Variants in ST6GALNAC5 observed in about 807,000 individuals in gnomAD.
The protein encoded by ST6GALNAC5 is alpha-N-acetylgalactosaminide alpha-2,6-sialyltransferase 5.
A neutral mutation model predicts 33.6 loss-of-function variants in ST6GALNAC5; 27 were observed. The observed-to-expected ratio is 0.80, with a 90% confidence interval of 0.59 to 1.11. The LOEUF is 1.11. ST6GALNAC5 is among the 50% of genes least tolerant of loss of function. The pLI is 0.00. For synonymous variants in ST6GALNAC5, 194 were observed against 171.2 expected, an observed-to-expected ratio of 1.13 and a Z score of -1.04; for missense variants, 428 against 454.0, an observed-to-expected ratio of 0.94 and a Z score of 0.52.
Position 76,868,834 on chromosome 1 carries a change from G to C in ST6GALNAC5, c.261+92G>C. On this transcript the variant is annotated intron_variant, in intron 2 of 4. Coordinates refer to ENST00000477717, the MANE Select transcript of ST6GALNAC5 (RefSeq NM_030965.3). The surrounding 1 kb of genome is among the most constrained non-coding windows in gnomAD (Gnocchi z 4.3). ...CTTTCCCGGGGCTGGGAGGCGCTGTGAGTAGGTGCCGTTCGAAGGCTGGAG... is the reference window on the plus strand; with the variant it reads ...CTTTCCCGGGGCTGGGAGGCGCTGTCAGTAGGTGCCGTTCGAAGGCTGGAG... The C allele has an allele frequency of 7.0e-7, 1 of 1,425,972 alleles. No homozygotes were observed. Among genetic ancestry groups the C allele is most frequent in the Non-Finnish European group, 9.1e-7 (1 of 1,095,964 alleles). 88.3% of individuals were successfully genotyped at this position (1,425,972 alleles called of 1,614,324 possible).
chr1:76,869,013 C>T, intron 2 of ST6GALNAC5: 1 of 409,494 alleles, frequency 2.4e-6, no homozygotes, highest in South Asian at 7.0e-5. Flanking sequence ...ACTAGAACTC[C>T]CTGATCCCCA....
At chr1:76,954,490 T>C (rs549110647) in intron 2 of ST6GALNAC5, among the ~76,000 whole-genome samples, 6 of 152,160 alleles carry the variant, frequency 3.9e-5, no homozygotes, top group African/African-American at 1.4e-4. Flanking sequence ...CGTTTACCTG[T>C]GTAAAAAGCC....
At chr1:76,985,389 A>G (rs1649450463) in intron 2 of ST6GALNAC5, among the ~76,000 whole-genome samples, 1 of 152,220 alleles carries the variant, frequency 6.6e-6, no homozygotes, top group South Asian at 2.1e-4. Flanking sequence ...GAGCCAAATC[A>G]TGAGTGAACT....
At chr1:77,016,883 C>T (rs1318302179) in intron 2 of ST6GALNAC5, among the ~76,000 whole-genome samples, 1 of 152,098 alleles carries the variant, frequency 6.6e-6, no homozygotes, top group African/African-American at 2.4e-5. Flanking sequence ...AAGTAATGTA[C>T]TCCTAATTAT....
intron 2 of ST6GALNAC5, among the ~76,000 whole-genome samples, chr1:77,015,522 A>G (rs569259980): frequency 4.6e-5 from 7 of 152,316 alleles, no homozygotes; most frequent in African/African-American, 1.4e-4. Context: ...TACATATATT[A>G]TGTATCAATA....
intron 2 of ST6GALNAC5, among the ~76,000 whole-genome samples, chr1:76,947,407 A>G (rs145460460): frequency 9.7e-4 from 147 of 152,246 alleles, no homozygotes; most frequent in African/African-American, 3.3e-3. Flanking sequence ...CCTAGTATAC[A>G]CTACAACAAC....
chr1:76,898,279 G>A (rs1646776748), intron 2 of ST6GALNAC5, among the ~76,000 whole-genome samples: 1 of 152,186 alleles, frequency 6.6e-6, no homozygotes, highest in Admixed American at 6.5e-5. Flanking sequence ...CCTGGCAGCT[G>A]CGGTTCAGGC....
intron 2 of ST6GALNAC5, among the ~76,000 whole-genome samples, chr1:76,979,371 T>C (rs1159678145): frequency 6.6e-6 from 1 of 152,154 alleles, no homozygotes; most frequent in Non-Finnish European, 1.5e-5. Context: ...TACCTGATTT[T>C]AAAATACACT....
chr1:77,015,582 G>A (rs141508459), intron 2 of ST6GALNAC5, among the ~76,000 whole-genome samples: 40 of 152,260 alleles, frequency 2.6e-4, no homozygotes, highest in African/African-American at 9.4e-4. Flanking sequence ...TAGTCTAGTG[G>A]AGGAGACAGA....
At chr1:77,058,481 AC>A (rs983986224) in intron 4 of ST6GALNAC5, among the ~76,000 whole-genome samples, 1 of 151,180 alleles carries the variant, frequency 6.6e-6, no homozygotes, top group African/African-American at 2.4e-5. Flanking sequence ...AGAGCCTGGC[AC>A]CTCCCCCTTT....
In ST6GALNAC5 at chr1:76,873,982, A is replaced by G. The variant is rs575105595; in HGVS notation, c.261+5240A>G. ...AGAGAAAAGACAAAGAAGCAAGAAA[A>G]GTTCAATAATAAGGCAAGCACTGAA... On this transcript the variant is annotated intron_variant, in intron 2 of 4. Transcript: ENST00000477717. Among the ~76,000 whole-genome samples, 40 of 152,350 alleles carry G rather than the reference A, an allele frequency of 2.6e-4. 1 individual carries two copies. The highest frequency in any genetic ancestry group is 8.7e-4 in the African/African-American group (36 of 41,586).
intron 2 of ST6GALNAC5, among the ~76,000 whole-genome samples, chr1:76,913,391 T>G (rs536571150): frequency 6.6e-6 from 1 of 151,388 alleles, no homozygotes; most frequent in Non-Finnish European, 1.5e-5. Context: ...CTGACTATTA[T>G]GTGTCTTGGA....
intron 2 of ST6GALNAC5, among the ~76,000 whole-genome samples, chr1:76,946,038 G>A (rs187750682): frequency 2.0e-3 from 300 of 152,176 alleles, no homozygotes; most frequent in Non-Finnish European, 3.3e-3. Flanking sequence ...GCATTTAAAT[G>A]AGTGAATATT....
intron 2 of ST6GALNAC5, among the ~76,000 whole-genome samples, chr1:76,979,431 T>C (rs1649159174): frequency 6.6e-6 from 1 of 152,072 alleles, no homozygotes; most frequent in South Asian, 2.1e-4. Flanking sequence ...AAAACAGACA[T>C]ATAGAATAAT....
intron 4 of ST6GALNAC5, among the ~76,000 whole-genome samples, chr1:77,052,427 A>G (rs1416315569): frequency 6.6e-6 from 1 of 152,146 alleles, no homozygotes; most frequent in Non-Finnish European, 1.5e-5. Flanking sequence ...TTGTTTGTAA[A>G]ATGGGGATAA....
intron 2 of ST6GALNAC5, among the ~76,000 whole-genome samples, chr1:76,990,589 G>A (rs573754077): frequency 6.6e-6 from 1 of 152,228 alleles, no homozygotes; most frequent in South Asian, 2.1e-4. Context: ...ATGAAAGAAG[G>A]CAGCCTGTGC....
In ST6GALNAC5 at chr1:77,044,124, G is replaced by C. The variant is rs1651922414; in HGVS notation, c.262-80G>C. On this transcript the variant is annotated intron_variant, in intron 2 of 4. Transcript: ENST00000477717. ...GAAGAGATGGGTGCCCTTCTTCAAA[G>C]GCAGGGAAGTAGCCTGCTGGTGCTG... 7 of 1,457,318 alleles carry C rather than the reference G, an allele frequency of 4.8e-6. No individual in the cohort carries two copies. In the Admixed American group the frequency reaches 1.7e-4, roughly 35 times the overall value. 90.3% of individuals were successfully genotyped at this position (1,457,318 alleles called of 1,614,324 possible). A position where few individuals can be genotyped will look rare whatever the true frequency, so the allele number is the denominator to read the frequency against.
intron 2 of ST6GALNAC5, among the ~76,000 whole-genome samples, chr1:76,972,270 T>C (rs1227706630): frequency 1.3e-5 from 2 of 152,122 alleles, no homozygotes; most frequent in Admixed American, 6.5e-5. Flanking sequence ...TTCACTATCA[T>C]GAGAACAGCA....
At position 76,910,325 on chromosome 1, in the gene ST6GALNAC5, C is replaced by T. The variant is rs181789068; in HGVS notation, c.261+41583C>T. Among the ~76,000 whole-genome samples, 67 of 151,410 alleles carry T rather than the reference C, an allele frequency of 4.4e-4. 1 individual carries two copies. The highest frequency in any genetic ancestry group is 1.9e-3 in the East Asian group (10 of 5,148). The stretch of plus-strand genomic sequence containing the variant: ...TATGCAATCATGGAATTAGAAAACG[C>T]GGGTGGTGATATGCAGTGTCACAAC... On this transcript the variant is annotated intron_variant, in intron 2 of 4. Coordinates refer to ENST00000477717, the MANE Select transcript of ST6GALNAC5 (RefSeq NM_030965.3).
Sources: allele counts gnomAD v4.1 joint callset (sites outside exome capture counted in the v4.1 genomes callset), GRCh38; gene constraint gnomAD v4.1.1; non-coding constraint Gnocchi (gnomAD v3.1); transcripts MANE v1.5; gene names NCBI Gene and HGNC (gene_info 2026-07-23, HGNC 2026-07-21).